PPP2R3C: variants seen among roughly 807,000 people sequenced by gnomAD.
PPP2R3C encodes the protein protein phosphatase 2 regulatory subunit B''gamma.
In PPP2R3C, 47 loss-of-function variants were observed where a neutral mutation model predicts 63.7. The observed-to-expected ratio is 0.74, with a 90% CI of 0.58 to 0.94. PPP2R3C has a LOEUF of 0.94. Among genes scored for constraint, PPP2R3C ranks in the 40% least tolerant of loss-of-function variants. PPP2R3C has a pLI of 0.00. For missense variants in PPP2R3C, 421 were observed against 518.4 expected, an observed-to-expected ratio of 0.81 and a Z score of 1.82; for synonymous variants, 180 against 177.4, an observed-to-expected ratio of 1.01 and a Z score of -0.12.
chr14:35,089,666 AT>A (rs5807810), intron 11 of PPP2R3C, among the ~76,000 whole-genome samples: 31,650 of 147,862 alleles, frequency 0.21, 3,553 homozygotes, highest in East Asian at 0.42. Context: ...TGATTTTTTA[AT>A]TTTTTTTTTT....
chr14:35,095,503 A>G (rs2045962180), intron 9 of PPP2R3C, among the ~76,000 whole-genome samples: 1 of 152,122 alleles, frequency 6.6e-6, no homozygotes, highest in Non-Finnish European at 1.5e-5. Context: ...GTAGAGGCCA[A>G]CAAAAAGCAC....
At chr14:35,113,122 T>G (rs2046612898) in intron 2 of PPP2R3C, 1 of 152,324 alleles carries the variant, frequency 6.6e-6, no homozygotes, top group Admixed American at 6.5e-5. Context: ...ATAAATCTCT[T>G]CAAATATTTT....
At chr14:35,108,829 C>T (rs944737310) in intron 4 of PPP2R3C, among the ~76,000 whole-genome samples, 6 of 151,814 alleles carry the variant, frequency 4.0e-5, no homozygotes, top group Admixed American at 3.9e-4. Context: ...TGACTGATCT[C>T]GAACTCCTGG....
At chr14:35,111,921 A>G (rs1376204675) in intron 2 of PPP2R3C, among the ~76,000 whole-genome samples, 1 of 152,142 alleles carries the variant, frequency 6.6e-6, no homozygotes, top group African/African-American at 2.4e-5. Flanking sequence ...AGTAATAATA[A>G]AACTCCTGTC....
chr14:35,108,280 A>C (rs768462436), intron 4 of PPP2R3C, 44 bp from the exon 5 acceptor site: 2 of 1,528,720 alleles, frequency 1.3e-6, no homozygotes, highest in Admixed American at 5.1e-5. Flanking sequence ...CCAACATAAA[A>C]GAAAATGACT....
chr14:35,121,260 C>G (rs754443756), intron 1 of PPP2R3C, among the ~76,000 whole-genome samples: 6 of 152,070 alleles, frequency 3.9e-5, no homozygotes, highest in African/African-American at 1.4e-4. Flanking sequence ...GCTTATAGTT[C>G]CAGCTACTCC....
chr14:35,095,121 T>A lies in PPP2R3C; in HGVS notation c.902A>T (p.Tyr301Phe). The A allele has an allele frequency of 6.2e-7, 1 of 1,611,920 alleles. No homozygotes were observed. Among genetic ancestry groups the A allele is most frequent in the Non-Finnish European group, 8.5e-7 (1 of 1,177,940 alleles). Residue 301 changes from tyrosine to phenylalanine, a missense_variant, in exon 10 of 13, where the codon TAT becomes TTT. Coordinates refer to ENST00000261475, the MANE Select transcript of PPP2R3C (RefSeq NM_017917.4). ...GACATTGGTCATGGTAGCTGTTCCA[T>A]AGCGTGAGAGTTCTTCTTTACTGAG... ...GMLSKEELSR[Y>F]GTATMTNVFL...
chr14:35,120,658 G>C (rs1199888363), intron 1 of PPP2R3C, among the ~76,000 whole-genome samples: 1 of 152,138 alleles, frequency 6.6e-6, no homozygotes, highest in African/African-American at 2.4e-5. Flanking sequence ...TAGTGTAAAA[G>C]AGTGTTGCCT....
chr14:35,111,260 A>G (rs1183587112), intron 2 of PPP2R3C, among the ~76,000 whole-genome samples: 1 of 147,950 alleles, frequency 6.8e-6, no homozygotes, highest in Non-Finnish European at 1.5e-5. Flanking sequence ...AAAAAAAAGA[A>G]TGATATAGAA....
chr14:35,120,744 C>G (rs1179956108), intron 1 of PPP2R3C, among the ~76,000 whole-genome samples: 2 of 151,776 alleles, frequency 1.3e-5, no homozygotes, highest in Admixed American at 1.3e-4. Context: ...GCCAGGAATT[C>G]GAGACCAGCC....
intron 11 of PPP2R3C, 145 bp downstream of exon 11, chr14:35,090,925 C>G (rs2045792264): frequency 1.6e-6 from 1 of 616,864 alleles, no homozygotes; most frequent in Non-Finnish European, 2.6e-6. Flanking sequence ...CCATGTTAGC[C>G]AGGATGGTCT....
intron 1 of PPP2R3C, among the ~76,000 whole-genome samples, chr14:35,119,641 AAC>A (rs1407421168): frequency 6.6e-6 from 1 of 151,340 alleles, no homozygotes; most frequent in Non-Finnish European, 1.5e-5. Context: ...CGAGCCTCCC[AAC>A]ACCACTACCC....
At position 35,096,714 on chromosome 14, in the gene PPP2R3C, A is replaced by G. The variant is rs1430970888; in HGVS notation, c.757T>C (p.Leu253=). ...AGTAGTTTAAAAACATTTACCTCCA[A>G]TAAATCATCTAGGAAGCTGCATGCT... The part of the protein sequence containing the change: ...ILACSFLDDL[L]ELRDEELSKE... Residue 253 remains leucine (L), a synonymous_variant, in exon 8 of 13, where the codon TTG becomes CTG. Transcript: ENST00000261475. 3.1e-6 allele frequency: 5 copies of G among 1,602,706 alleles called. No individual in the cohort carries two copies. The highest frequency in any genetic ancestry group is 4.5e-5 in the East Asian group (2 of 44,756).
intron 10 of PPP2R3C, 149 bp downstream of exon 10, chr14:35,094,899 A>C: frequency 3.9e-6 from 3 of 760,982 alleles, no homozygotes; most frequent in Non-Finnish European, 6.1e-6. Flanking sequence ...GGTTGCATTG[A>C]GCGGAGATCA....
intron 6 of PPP2R3C, chr14:35,100,448 T>G (rs1055801982): frequency 5.9e-5 from 9 of 152,128 alleles, no homozygotes; most frequent in African/African-American, 2.2e-4. Context: ...GAAGGCTATT[T>G]CTACAGTTCC....
chr14:35,116,685 T>C lies in PPP2R3C; in HGVS notation c.111A>G (p.Lys37=). 1 of 1,597,394 alleles carries C rather than the reference T, an allele frequency of 6.3e-7. No individual in the cohort carries two copies. Among genetic ancestry groups the C allele is most frequent in the Non-Finnish European group, 8.6e-7 (1 of 1,168,874 alleles). ...TACCTCCTTTCCATTCGGAGTAATA[T>C]TTTGTAAATAAATCCATTTCTTCAT... The part of the protein sequence containing the change: ...LKDEEMDLFT[K]YYSEWKGGRK... Residue 37 remains lysine, a synonymous_variant, in exon 2 of 13, where the codon AAA becomes AAG. Transcript: ENST00000261475.
chr14:35,122,187 A>C (rs2046931039), upstream of PPP2R3C: 1 of 557,348 alleles, frequency 1.8e-6, no homozygotes, highest in Non-Finnish European at 3.2e-6. Context: ...AAAGAGATGG[A>C]AAATGGTTCT....
chr14:35,095,787 G>A (rs183660728), intron 9 of PPP2R3C, among the ~76,000 whole-genome samples: 234 of 145,198 alleles, frequency 1.6e-3, no homozygotes, highest in African/African-American at 5.7e-3. Context: ...GGAGGTGGAG[G>A]TTGCAGTGAG....
intron 7 of PPP2R3C, among the ~76,000 whole-genome samples, chr14:35,098,473 A>G (rs538953086): frequency 2.4e-4 from 36 of 149,472 alleles, no homozygotes; most frequent in Non-Finnish European, 4.7e-4. Context: ...CAGCCTCTCG[A>G]GTAGCTGGGA....
Sources: allele counts gnomAD v4.1 joint callset (sites outside exome capture counted in the v4.1 genomes callset), GRCh38; gene constraint gnomAD v4.1.1; transcripts MANE v1.5; gene names NCBI Gene and HGNC (gene_info 2026-07-23, HGNC 2026-07-21).